MARCHF1: variants seen among roughly 807,000 people sequenced by gnomAD.
MARCHF1 encodes membrane associated ring-CH-type finger 1, also known as E3 ubiquitin-protein ligase MARCHF1.
MARCHF1 carries 40 observed loss-of-function variants against 54.2 expected under a neutral mutation model. The observed-to-expected ratio is 0.74, with a 90% CI of 0.57 to 0.96. The LOEUF (loss-of-function observed/expected upper bound fraction) is 0.96. Ranked by LOEUF, MARCHF1 falls within the 40% of genes least tolerant of loss-of-function variation. The pLI is 0.00. For missense variants in MARCHF1, 586 were observed against 656.5 expected, an observed-to-expected ratio of 0.89 and a Z score of 1.17; for synonymous variants, 236 against 236.3, an observed-to-expected ratio of 1.00 and a Z score of 0.01.
At chr4:164,307,815 CA>C (rs1187146250) in intron 1 of MARCHF1, among the ~76,000 whole-genome samples, 3 of 152,174 alleles carry the variant, frequency 2.0e-5, no homozygotes, top group Non-Finnish European at 2.9e-5. Flanking sequence ...GCAAGTTGTA[CA>C]ATGTAACAAG....
intron 2 of MARCHF1, among the ~76,000 whole-genome samples, chr4:164,039,067 C>T (rs1057471394): frequency 3.9e-5 from 6 of 151,988 alleles, no homozygotes; most frequent in Admixed American, 6.6e-5. Context: ...TTCTAAAATA[C>T]GAAATTTGAA....
At chr4:163,975,070 T>C (rs1752621800) in intron 3 of MARCHF1, among the ~76,000 whole-genome samples, 1 of 152,060 alleles carries the variant, frequency 6.6e-6, no homozygotes, top group Admixed American at 6.6e-5. Context: ...GCTTTTGGAA[T>C]GAACTCATAC....
rs182899546 is a variant in MARCHF1 at position 164,290,983 on chromosome 4, A to G, written c.-323+92887T>C. 2.1e-3 allele frequency among the ~76,000 whole-genome samples: 312 copies of G among 152,018 alleles called. 8 individuals carry two copies. The highest frequency in any genetic ancestry group is 1.2e-4 in the Non-Finnish European group (8 of 67,802). On this transcript the variant is annotated intron_variant, in intron 1 of 9. Coordinates refer to ENST00000514618, the MANE Select transcript of MARCHF1 (RefSeq NM_001394959.1). ...TAACTTTTCTTAATTTATTCATTTT[A>G]AAGTAAACATGTTTTTTAAATTATG...
chr4:163,678,903 A>G (rs1251217731), intron 5 of MARCHF1, among the ~76,000 whole-genome samples: 1 of 152,238 alleles, frequency 6.6e-6, no homozygotes, highest in Non-Finnish European at 1.5e-5. Flanking sequence ...CCTTGTAGAT[A>G]AAATAATTTT....
At chr4:164,264,946 C>A (rs370442678) in intron 1 of MARCHF1, among the ~76,000 whole-genome samples, 5 of 151,064 alleles carry the variant, frequency 3.3e-5, no homozygotes, top group African/African-American at 1.2e-4. Flanking sequence ...AAAAACACCA[C>A]CATCATTTTG....
chr4:164,012,916 A>C (rs1290684379), intron 2 of MARCHF1, among the ~76,000 whole-genome samples: 2 of 152,156 alleles, frequency 1.3e-5, no homozygotes, highest in African/African-American at 4.8e-5. Flanking sequence ...AAGCCCTCTC[A>C]AGGGTGCATA....
chr4:163,925,034 A>G (rs1751508488), intron 3 of MARCHF1, among the ~76,000 whole-genome samples: 1 of 151,836 alleles, frequency 6.6e-6, no homozygotes, highest in Non-Finnish European at 1.5e-5. Context: ...GTCCCAAAGT[A>G]ACTGTTGATT....
At chr4:164,162,860 A>T (rs1730276720) in intron 1 of MARCHF1, among the ~76,000 whole-genome samples, 1 of 152,146 alleles carries the variant, frequency 6.6e-6, no homozygotes, top group African/African-American at 2.4e-5. Context: ...ATATGAAAAC[A>T]AATATGATTA....
chr4:163,818,379 A>G (rs934372225), intron 4 of MARCHF1, among the ~76,000 whole-genome samples: 2 of 152,084 alleles, frequency 1.3e-5, no homozygotes, highest in African/African-American at 4.8e-5. Context: ...TATTAACCCC[A>G]GCATCCATTA....
intron 3 of MARCHF1, chr4:163,932,670 G>C: frequency 8.1e-6 from 4 of 493,514 alleles, no homozygotes; most frequent in Non-Finnish European, 1.6e-5. Flanking sequence ...CATGAGTGCG[G>C]TTGGGGGCTG....
intron 8 of MARCHF1, among the ~76,000 whole-genome samples, chr4:163,572,225 C>T (rs1261397584): frequency 6.6e-6 from 1 of 151,958 alleles, no homozygotes; most frequent in Non-Finnish European, 1.5e-5. Context: ...TCCTTCATCA[C>T]TTAAGCTACT....
intron 8 of MARCHF1, among the ~76,000 whole-genome samples, chr4:163,581,749 C>T (rs1460118527): frequency 1.3e-5 from 2 of 152,220 alleles, no homozygotes; most frequent in African/African-American, 2.4e-5. Flanking sequence ...AAGATGACTA[C>T]TCTTTTTCAT....
intron 1 of MARCHF1, among the ~76,000 whole-genome samples, chr4:164,122,180 A>C (rs1756082352): frequency 6.6e-6 from 1 of 152,168 alleles, no homozygotes; most frequent in South Asian, 2.1e-4. Flanking sequence ...ACTGGGGATA[A>C]AAGGAACATG....
At chr4:163,975,155 C>T (rs977092441) in intron 3 of MARCHF1, among the ~76,000 whole-genome samples, 1 of 143,694 alleles carries the variant, frequency 7.0e-6, no homozygotes, top group Non-Finnish European at 1.5e-5. Context: ...GCCAATTTCT[C>T]ATAATAAAGC....
intron 1 of MARCHF1, among the ~76,000 whole-genome samples, chr4:164,378,684 A>T (rs1186550274): frequency 2.0e-5 from 3 of 152,122 alleles, no homozygotes; most frequent in African/African-American, 7.2e-5. Flanking sequence ...TTCTTTGGGG[A>T]TGTATAGATC....
At chr4:163,784,661 C>T (rs1298904173) in intron 4 of MARCHF1, among the ~76,000 whole-genome samples, 2 of 152,006 alleles carry the variant, frequency 1.3e-5, no homozygotes, top group Non-Finnish European at 1.5e-5. Flanking sequence ...TTATTGTTTG[C>T]CTCTATATTT....
At chr4:163,798,675 T>C (rs1233841804) in intron 4 of MARCHF1, among the ~76,000 whole-genome samples, 1 of 151,298 alleles carries the variant, frequency 6.6e-6, no homozygotes, top group Non-Finnish European at 1.5e-5. Context: ...AACAAAAGAG[T>C]TGAAAATAGA....
At position 164,145,746 on chromosome 4, in the gene MARCHF1, C is replaced by T. The variant is rs1193154213; in HGVS notation, c.-322-34084G>A. 7.6e-5 allele frequency among the ~76,000 whole-genome samples: 11 copies of T among 145,238 alleles called. No individual in the cohort carries two copies. The South Asian group carries it at 1.6e-3, about 21-fold the overall frequency. On this transcript the variant is annotated intron_variant, in intron 1 of 9. Transcript: ENST00000514618. ...AATGGGCAAAAACTGGAAGCATTCC[C>T]TTTGAAAACTGGCACAAGACAGGGA... is the stretch of plus-strand genomic sequence containing the variant.
At chr4:163,848,883 T>A (rs1749565925) in intron 4 of MARCHF1, among the ~76,000 whole-genome samples, 1 of 152,158 alleles carries the variant, frequency 6.6e-6, no homozygotes, top group Non-Finnish European at 1.5e-5. Context: ...AAATAACTAC[T>A]CTTTTCAATC....
Sources: gnomAD v4.1 joint callset for allele counts (sites outside exome capture counted in the v4.1 genomes callset) on GRCh38, gnomAD v4.1.1 for gene constraint, MANE v1.5 for transcripts, NCBI Gene and HGNC (gene_info 2026-07-23, HGNC 2026-07-21) for gene names.